PCDHGA6: variants seen among roughly 807,000 people sequenced by gnomAD.
PCDHGA6 encodes the protein protocadherin gamma-A6.
PCDHGA6 carries 41 observed loss-of-function variants against 60.6 expected under a neutral mutation model. The observed-to-expected ratio is 0.68, with a 90% CI of 0.53 to 0.88. PCDHGA6 has a LOEUF of 0.88. Among genes scored for constraint, PCDHGA6 ranks in the 40% least tolerant of loss-of-function variants. The pLI is 0.00. For missense variants in PCDHGA6, 1,312 were observed against 1,203.0 expected (o/e 1.09, Z -1.34); for synonymous variants, 594 against 524.4 (o/e 1.13, Z -1.81).
chr5:141,402,710 C>T (rs2094297033), intron 1 of PCDHGA6, among the ~76,000 whole-genome samples: 1 of 152,092 alleles, frequency 6.6e-6, no homozygotes, highest in African/African-American at 2.4e-5. Context: ...GGTGTAGTAA[C>T]GGCTTAGGAC....
rs566635689 is a variant in PCDHGA6, at chr5:141,469,738, C to G, written c.2425-25069C>G. ...AGGAATTTATCATAAATACACACCT[C>G]AAAAATTACAAAAATACATATATAC... is the stretch of plus-strand genomic sequence containing the variant. On this transcript the variant is annotated intron_variant, in intron 1 of 3. Transcript: ENST00000517434. 6.7e-4 allele frequency among the ~76,000 whole-genome samples: 102 copies of G among 152,292 alleles called. 2 individuals are homozygous for G. Among genetic ancestry groups the G allele is most frequent in the African/African-American group, 2.4e-3 (99 of 41,552 alleles).
chr5:141,423,551 A>T, intron 1 of PCDHGA6: 2 of 1,613,616 alleles, frequency 1.2e-6, no homozygotes, highest in Non-Finnish European at 1.7e-6. Context: ...CCCCAGCCCA[A>T]CTATGGGGAC....
chr5:141,411,237 T>C (rs1472710660), intron 1 of PCDHGA6: 1 of 152,116 alleles, frequency 6.6e-6, no homozygotes, highest in Non-Finnish European at 1.5e-5. Flanking sequence ...GAAGACTTAG[T>C]GAATTTACGA....
intron 1 of PCDHGA6, chr5:141,390,929 T>C (rs1296144036): frequency 1.3e-5 from 2 of 152,314 alleles, no homozygotes; most frequent in African/African-American, 4.8e-5. Context: ...ACTATGCTCA[T>C]TAGAAGATCA....
At chr5:141,428,088 C>G (rs761980796) in intron 1 of PCDHGA6, 5 of 1,608,920 alleles carry the variant, frequency 3.1e-6, no homozygotes, top group Non-Finnish European at 4.2e-6. Context: ...CAACGCTTGG[C>G]TGTCCTACCA....
intron 1 of PCDHGA6, chr5:141,392,933 C>A: frequency 6.2e-7 from 1 of 1,613,930 alleles, no homozygotes; most frequent in Non-Finnish European, 8.5e-7. Flanking sequence ...AAGAGACGGA[C>A]AAAGGCTCCT....
intron 1 of PCDHGA6, among the ~76,000 whole-genome samples, chr5:141,472,542 GA>G (rs904556404): frequency 1.6e-4 from 23 of 147,144 alleles, no homozygotes; most frequent in African/African-American, 4.2e-4. Context: ...ACCATCTCAA[GA>G]AAAAAAAAAT....
intron 1 of PCDHGA6, among the ~76,000 whole-genome samples, chr5:141,475,567 A>G (rs1260546062): frequency 6.6e-6 from 1 of 152,244 alleles, no homozygotes; most frequent in African/African-American, 2.4e-5. Flanking sequence ...CTGTCTTCCA[A>G]CAAGCCAGAT....
intron 1 of PCDHGA6, chr5:141,408,253 A>G (rs749487100): frequency 3.4e-4 from 550 of 1,599,220 alleles, no homozygotes; most frequent in Non-Finnish European, 4.4e-4. Flanking sequence ...GGCAGGTGCT[A>G]TTTCCTTTGC....
rs1369150914 is a variant in PCDHGA6 at position 141,432,217 on chromosome 5, G to A, written c.2424+55710G>A. The A allele has an allele frequency of 3.1e-6, 5 of 1,614,204 alleles. No individual in the cohort carries two copies. The East Asian group carries it at 6.7e-5, about 22-fold the overall frequency. On this transcript the variant is annotated intron_variant, in intron 1 of 3. Coordinates refer to ENST00000517434, the MANE Select transcript of PCDHGA6 (RefSeq NM_018919.3). The surrounding 1 kb of genome is among the most constrained non-coding windows in gnomAD (Gnocchi z 6.0). ...ACCCCGACTGTGAAGAGAACGCCCAGATCACTTATTCCCTGGCTGAGAACA... is the reference window on the plus strand; with the variant it reads ...ACCCCGACTGTGAAGAGAACGCCCAAATCACTTATTCCCTGGCTGAGAACA...
rs752604165 is a variant in PCDHGA6, at chr5:141,494,771, G to A, written c.2425-36G>A. On this transcript the variant is annotated intron_variant, in intron 1 of 3. Coordinates refer to ENST00000517434, the MANE Select transcript of PCDHGA6 (RefSeq NM_018919.3). ...CTCGGGTGACATTCTAACTTCTCAC[G>A]GGTACTCAGCCCCTTTCCCTCTGTT... 74 of 1,613,730 alleles carry A rather than the reference G, an allele frequency of 4.6e-5. No homozygotes were observed. The East Asian group carries it at 1.6e-3, about 36-fold the overall frequency.
chr5:141,473,905 G>T (rs940750776), intron 1 of PCDHGA6, among the ~76,000 whole-genome samples: 2 of 152,096 alleles, frequency 1.3e-5, no homozygotes, highest in African/African-American at 4.8e-5. Context: ...TCATGAAGAG[G>T]TCTTAAGAAA....
At chr5:141,483,656 G>A (rs1345435222) in intron 1 of PCDHGA6, among the ~76,000 whole-genome samples, 1 of 151,984 alleles carries the variant, frequency 6.6e-6, no homozygotes, top group Non-Finnish European at 1.5e-5. Flanking sequence ...GTTTGTGTGT[G>A]TGTGTGTGTG....
intron 1 of PCDHGA6, chr5:141,385,009 T>G: frequency 6.2e-7 from 1 of 1,614,140 alleles, no homozygotes; most frequent in Non-Finnish European, 8.5e-7. Flanking sequence ...CTCCTGCGTC[T>G]TCCTAGCCTT....
At position 141,393,344 on chromosome 5, in the gene PCDHGA6, C is replaced by G. The variant is rs1428830318; in HGVS notation, c.2424+16837C>G. On this transcript the variant is annotated intron_variant, in intron 1 of 3. Transcript: ENST00000517434. ...GCTACCAGCTCAGCCCCAATCACCA[C>G]TTCTCCCTGGACGTGCAGACTGGAG... The G allele has an allele frequency of 9.9e-6, 16 of 1,613,888 alleles. No individual in the cohort carries two copies. The highest frequency in any genetic ancestry group is 1.2e-5 in the Non-Finnish European group (14 of 1,179,904).
chr5:141,399,478 G>A, intron 1 of PCDHGA6: 2 of 1,614,012 alleles, frequency 1.2e-6, no homozygotes, highest in East Asian at 2.2e-5. Flanking sequence ...TTTCCACCAG[G>A]CGTCCTACTT....
In PCDHGA6 at chr5:141,448,679, G is replaced by A. The variant is rs113043083; in HGVS notation, c.2425-46128G>A. On this transcript the variant is annotated intron_variant, in intron 1 of 3. Coordinates refer to ENST00000517434, the MANE Select transcript of PCDHGA6 (RefSeq NM_018919.3). Reference sequence around the variant, plus strand: ...ATATTGGCCGGGCGCGGTGGCTCACGCCTGTAATCGCAGCACTTTGGGAGG... The same window carrying A: ...ATATTGGCCGGGCGCGGTGGCTCACACCTGTAATCGCAGCACTTTGGGAGG... Among the ~76,000 whole-genome samples the A allele has an allele frequency of 8.3e-3, 1,260 of 152,126 alleles. 17 individuals are homozygous for A. Among genetic ancestry groups the A allele is most frequent in the African/African-American group, 0.029 (1,195 of 41,496 alleles).
chr5:141,415,301 T>C, intron 1 of PCDHGA6: 1 of 1,614,230 alleles, frequency 6.2e-7, no homozygotes, highest in South Asian at 1.1e-5. Context: ...TGCGTCTTCC[T>C]GGCCTTCGTC....
chr5:141,409,599 C>T (rs753753955), intron 1 of PCDHGA6: 22 of 1,613,822 alleles, frequency 1.4e-5, no homozygotes, highest in Non-Finnish European at 1.8e-5. Flanking sequence ...GAGAACAACC[C>T]GCCAGGAGCC....
Sources: gnomAD v4.1 joint callset for allele counts (sites outside exome capture counted in the v4.1 genomes callset) on GRCh38, gnomAD v4.1.1 for gene constraint, Gnocchi (gnomAD v3.1) non-coding constraint, MANE v1.5 for transcripts, NCBI Gene and HGNC (gene_info 2026-07-23, HGNC 2026-07-21) for gene names.